Variants in GSTCD observed in about 807,000 individuals in gnomAD.
The protein encoded by GSTCD is glutathione S-transferase C-terminal domain containing.
Under a neutral mutation model 68.3 loss-of-function variants are expected in GSTCD, and 44 were observed. That is an observed-to-expected ratio of 0.64 (90% CI 0.51 to 0.83). The LOEUF (loss-of-function observed/expected upper bound fraction) is 0.83. Among genes scored for constraint, GSTCD ranks in the 40% least tolerant of loss-of-function variants. GSTCD has a pLI of 0.00. For synonymous variants in GSTCD, 273 were observed against 255.2 expected (o/e 1.07, Z -0.67); for missense variants, 739 against 735.9 (o/e 1.00, Z -0.05).
chr4:105,759,168 A>G (rs996544711), intron 5 of GSTCD, among the ~76,000 whole-genome samples: 2 of 152,128 alleles, frequency 1.3e-5, no homozygotes, highest in African/African-American at 4.8e-5. Context: ...TAAGAGTATG[A>G]CAGTCTCAGG....
At chr4:105,844,737 C>T (rs532841102) in intron 11 of GSTCD, among the ~76,000 whole-genome samples, 1 of 152,268 alleles carries the variant, frequency 6.6e-6, no homozygotes, top group East Asian at 1.9e-4. Context: ...AGCCCCAAAT[C>T]ATTTTTCCCA....
chr4:105,715,713 G>T (rs891552824), intron 1 of GSTCD, among the ~76,000 whole-genome samples: 2 of 127,902 alleles, frequency 1.6e-5, no homozygotes, highest in Admixed American at 1.5e-4. Context: ...AGAAAATTTA[G>T]TATGATGAAG....
Position 105,718,046 on chromosome 4 carries a change from A to T in GSTCD, c.426+7A>T. 10 of 1,574,498 alleles carry T rather than the reference A, an allele frequency of 6.4e-6. No individual in the cohort carries two copies. In the Middle Eastern group the frequency reaches 5.1e-4, roughly 81 times the overall value. On this transcript the variant is annotated splice_region_variant and intron_variant, in intron 2 of 11. Coordinates refer to ENST00000515279, the MANE Select transcript of GSTCD (RefSeq NM_001370181.1). Reference sequence around the variant, plus strand: ...CTTGAAAGCCTGTGCTGAAGTAAGTATAATGTCTTTTTTCTGTTATTTGAA... The same window carrying T: ...CTTGAAAGCCTGTGCTGAAGTAAGTTTAATGTCTTTTTTCTGTTATTTGAA...
intron 5 of GSTCD, among the ~76,000 whole-genome samples, chr4:105,758,644 C>T (rs1457352094): frequency 6.6e-6 from 1 of 152,148 alleles, no homozygotes; most frequent in Non-Finnish European, 1.5e-5. Context: ...ATTACCCATT[C>T]TCAGGTATTT....
At chr4:105,828,041 A>G (rs1426740430) in intron 8 of GSTCD, among the ~76,000 whole-genome samples, 2 of 152,212 alleles carry the variant, frequency 1.3e-5, no homozygotes, top group Non-Finnish European at 2.9e-5. Flanking sequence ...TCAAGGCTAA[A>G]CAGCCTGCCA....
At chr4:105,766,801 T>C (rs1578452853) in intron 5 of GSTCD, among the ~76,000 whole-genome samples, 2 of 151,984 alleles carry the variant, frequency 1.3e-5, no homozygotes, top group Non-Finnish European at 2.9e-5. Context: ...CATGGAAAGA[T>C]AGTTTCTCCT....
At chr4:105,811,469 A>G (rs1030462590) in intron 5 of GSTCD, among the ~76,000 whole-genome samples, 16 of 141,058 alleles carry the variant, frequency 1.1e-4, no homozygotes, top group Non-Finnish European at 1.5e-5. Context: ...GAGCTCAACC[A>G]GATGATGAAG....
chr4:105,803,111 C>G (rs1736170465), intron 5 of GSTCD, among the ~76,000 whole-genome samples: 1 of 152,132 alleles, frequency 6.6e-6, no homozygotes, highest in Non-Finnish European at 1.5e-5. Flanking sequence ...CAAGGTCAGA[C>G]AGCTAATGAA....
intron 5 of GSTCD, chr4:105,753,144 A>G (rs1734062826): frequency 6.6e-6 from 1 of 152,072 alleles, no homozygotes; most frequent in Non-Finnish European, 1.5e-5. Flanking sequence ...AAAGGCTGTG[A>G]TGTTTTAGAA....
intron 5 of GSTCD, among the ~76,000 whole-genome samples, chr4:105,810,593 A>G (rs1431667660): frequency 1.3e-5 from 2 of 152,112 alleles, no homozygotes; most frequent in African/African-American, 4.8e-5. Context: ...TAAATGATTG[A>G]TTTTAACGGT....
chr4:105,756,523 C>T (rs1265455262), intron 5 of GSTCD, among the ~76,000 whole-genome samples: 3 of 146,982 alleles, frequency 2.0e-5, no homozygotes, highest in Non-Finnish European at 4.5e-5. Flanking sequence ...CACACACACA[C>T]ACACGTATAT....
intron 5 of GSTCD, among the ~76,000 whole-genome samples, chr4:105,814,696 G>A (rs746859482): frequency 1.3e-5 from 2 of 152,136 alleles, no homozygotes; most frequent in South Asian, 2.1e-4. Context: ...GACCTATGCG[G>A]ATATCAATAC....
chr4:105,733,607 A>G (rs1368809420), intron 5 of GSTCD, among the ~76,000 whole-genome samples: 4 of 152,188 alleles, frequency 2.6e-5, no homozygotes, highest in Non-Finnish European at 5.9e-5. Context: ...GCTCTCCTGA[A>G]TAGAGCACAC....
chr4:105,825,256 A>C lies in GSTCD; in HGVS notation c.1402-416A>C, dbSNP rs114120172. ...GGGATTCTCCTGCCTCTGCCTCCCG[A>C]ATAACTGGGACTACAGATGCACACT... On this transcript the variant is annotated intron_variant, in intron 7 of 11. Transcript: ENST00000515279. Among the ~76,000 whole-genome samples, 664 of 152,146 alleles carry C rather than the reference A, an allele frequency of 4.4e-3. 7 individuals are homozygous for C. Among genetic ancestry groups the C allele is most frequent in the African/African-American group, 0.015 (629 of 41,508 alleles).
chr4:105,798,648 A>G lies in GSTCD; in HGVS notation c.1241-24306A>G, dbSNP rs529493993. Among the ~76,000 whole-genome samples the G allele has an allele frequency of 2.2e-4, 34 of 152,290 alleles. 1 individual carries two copies. The East Asian group carries it at 6.4e-3, about 28-fold the overall frequency. On this transcript the variant is annotated intron_variant, in intron 5 of 11. Transcript: ENST00000515279. ...TGACCAAATGCATTGTCAATGAGTCATGATATTTTAAAGGGAATCTTTTTT... is the reference window on the plus strand; with the variant it reads ...TGACCAAATGCATTGTCAATGAGTCGTGATATTTTAAAGGGAATCTTTTTT...
chr4:105,816,164 C>T (rs1041726024), intron 5 of GSTCD, among the ~76,000 whole-genome samples: 4 of 151,992 alleles, frequency 2.6e-5, no homozygotes, highest in African/African-American at 9.7e-5. Context: ...CAACATCTTG[C>T]CTAAACAGTT....
chr4:105,718,377 C>T (rs1002626114), intron 2 of GSTCD, among the ~76,000 whole-genome samples: 11 of 152,050 alleles, frequency 7.2e-5, no homozygotes, highest in Non-Finnish European at 1.2e-4. Context: ...TGTTGAAAAG[C>T]GCCTGGTACC....
At chr4:105,796,494 T>C (rs926910782) in intron 5 of GSTCD, among the ~76,000 whole-genome samples, 1 of 152,242 alleles carries the variant, frequency 6.6e-6, no homozygotes, top group Non-Finnish European at 1.5e-5. Context: ...TTTATTATTA[T>C]TAAATCTGAG....
At chr4:105,830,081 A>C (rs1223059673) in intron 8 of GSTCD, among the ~76,000 whole-genome samples, 1 of 152,156 alleles carries the variant, frequency 6.6e-6, no homozygotes, top group Admixed American at 6.5e-5. Context: ...AAACTGGTAA[A>C]TCGTGGGGAG....
Sources: allele counts gnomAD v4.1 joint callset (sites outside exome capture counted in the v4.1 genomes callset), GRCh38; gene constraint gnomAD v4.1.1; transcripts MANE v1.5; gene names NCBI Gene and HGNC (gene_info 2026-07-23, HGNC 2026-07-21).